The following AUTS2 variants were observed in gnomAD, a reference collection of about 807,000 sequenced individuals.
AUTS2 encodes the protein activator of transcription and developmental regulator AUTS2, also known as autism susceptibility gene 2 protein.
Under a neutral mutation model 112.4 loss-of-function variants are expected in AUTS2, and 17 were observed. The observed-to-expected ratio is 0.15, with a 90% confidence interval of 0.10 to 0.23. The LOEUF is 0.23. Ranked by LOEUF, AUTS2 falls within the 10% of genes least tolerant of loss-of-function variation. The pLI is 1.00. For synonymous variants in AUTS2, 751 were observed against 702.7 expected (o/e 1.07, Z -1.09); for missense variants, 1,510 against 1,701.6 (o/e 0.89, Z 1.98).
chr7:69,657,335 A>T (rs1342482172), intron 1 of AUTS2, among the ~76,000 whole-genome samples: 1 of 152,226 alleles, frequency 6.6e-6, no homozygotes, highest in African/African-American at 2.4e-5. Context: ...GACTCTGGCC[A>T]AGCTGATATT....
At chr7:70,700,085 G>A (rs1205537401) in intron 6 of AUTS2, among the ~76,000 whole-genome samples, 1 of 152,322 alleles carries the variant, frequency 6.6e-6, no homozygotes, top group South Asian at 2.1e-4. Flanking sequence ...GGCCGCCACT[G>A]CCCTGAAAGA....
chr7:70,262,416 C>T lies in AUTS2; in HGVS notation c.660+127845C>T, dbSNP rs544514419. Among the ~76,000 whole-genome samples the T allele has an allele frequency of 9.0e-4, 137 of 152,246 alleles. 1 individual carries two copies. The highest frequency in any genetic ancestry group is 3.2e-3 in the African/African-American group (133 of 41,560). The stretch of plus-strand genomic sequence containing the variant: ...TGTTAGAAAGGCTTGTCTCAAACTC[C>T]TGACGTCAAGTGATCCACCCCCCTC... On this transcript the variant is annotated intron_variant, in intron 4 of 18. Coordinates refer to ENST00000342771, the MANE Select transcript of AUTS2 (RefSeq NM_015570.4).
chr7:70,326,434 C>T (rs1425049207), intron 4 of AUTS2, among the ~76,000 whole-genome samples: 2 of 152,204 alleles, frequency 1.3e-5, no homozygotes, highest in Admixed American at 1.3e-4. Flanking sequence ...CATGAAAACT[C>T]CTAGGAATCT....
At chr7:69,808,299 C>T (rs1461801396) in intron 1 of AUTS2, among the ~76,000 whole-genome samples, 4 of 152,184 alleles carry the variant, frequency 2.6e-5, no homozygotes, top group African/African-American at 9.6e-5. Flanking sequence ...CCTGACTCCA[C>T]ACCTACTAAA....
intron 2 of AUTS2, among the ~76,000 whole-genome samples, chr7:70,086,049 C>T (rs767306893): frequency 6.6e-6 from 1 of 152,166 alleles, no homozygotes; most frequent in African/African-American, 2.4e-5. Context: ...ACCAATACCA[C>T]GTCTTGATTA....
At chr7:70,410,375 G>A (rs945476682) in intron 4 of AUTS2, among the ~76,000 whole-genome samples, 8 of 151,502 alleles carry the variant, frequency 5.3e-5, no homozygotes, top group African/African-American at 1.9e-4. Context: ...AGTACAAAAG[G>A]CTCTGTCTTA....
At chr7:69,771,932 G>T (rs911366464) in intron 1 of AUTS2, among the ~76,000 whole-genome samples, 1 of 151,900 alleles carries the variant, frequency 6.6e-6, no homozygotes, top group Non-Finnish European at 1.5e-5. Context: ...TTACAGGCAT[G>T]CACCACCACG....
chr7:70,144,601 C>A (rs946362903), intron 4 of AUTS2, among the ~76,000 whole-genome samples: 7 of 152,044 alleles, frequency 4.6e-5, no homozygotes, highest in Admixed American at 3.9e-4. Flanking sequence ...TTACAGTAGA[C>A]CTATTATTTT....
At chr7:69,669,431 G>A (rs1457397007) in intron 1 of AUTS2, among the ~76,000 whole-genome samples, 1 of 151,842 alleles carries the variant, frequency 6.6e-6, no homozygotes, top group Non-Finnish European at 1.5e-5. Flanking sequence ...TTGACATGAG[G>A]TTTCAGGATT....
chr7:70,772,437 C>G (rs971387393), intron 11 of AUTS2, among the ~76,000 whole-genome samples: 8 of 152,182 alleles, frequency 5.3e-5, no homozygotes, highest in African/African-American at 1.9e-4. Flanking sequence ...TTCTATTTTA[C>G]CTTCACACAA....
chr7:70,259,816 G>T (rs1787071224), intron 4 of AUTS2, among the ~76,000 whole-genome samples: 1 of 152,166 alleles, frequency 6.6e-6, no homozygotes, highest in Non-Finnish European at 1.5e-5. Context: ...TGACTCATTT[G>T]TATCTTGGCC....
intron 1 of AUTS2, among the ~76,000 whole-genome samples, chr7:69,792,521 G>A (rs1789660066): frequency 6.6e-6 from 1 of 152,164 alleles, no homozygotes. Context: ...TTACAGGTGT[G>A]AGCCACCATG....
At chr7:70,552,973 T>A (rs1219643925) in intron 5 of AUTS2, among the ~76,000 whole-genome samples, 1 of 152,168 alleles carries the variant, frequency 6.6e-6, no homozygotes, top group Non-Finnish European at 1.5e-5. Context: ...AAGAAATATG[T>A]CCAGCCAGAC....
At chr7:69,932,999 C>T (rs1260614933) in intron 2 of AUTS2, among the ~76,000 whole-genome samples, 4 of 152,174 alleles carry the variant, frequency 2.6e-5, no homozygotes, top group Non-Finnish European at 5.9e-5. Flanking sequence ...AAATTATTTA[C>T]ATTCAAGGAT....
At chr7:69,739,068 G>C (rs754715605) in intron 1 of AUTS2, among the ~76,000 whole-genome samples, 4 of 152,044 alleles carry the variant, frequency 2.6e-5, no homozygotes, top group African/African-American at 4.8e-5. Context: ...GGTTAGATGG[G>C]TGGAGGTTGT....
At chr7:70,498,493 A>G (rs1340693719) in intron 5 of AUTS2, among the ~76,000 whole-genome samples, 1 of 152,170 alleles carries the variant, frequency 6.6e-6, no homozygotes, top group Non-Finnish European at 1.5e-5. Context: ...CATTGAAAAC[A>G]TGTCAGGGCC....
chr7:70,237,276 T>A (rs912370055), intron 4 of AUTS2, among the ~76,000 whole-genome samples: 1 of 152,244 alleles, frequency 6.6e-6, no homozygotes, highest in Non-Finnish European at 1.5e-5. Flanking sequence ...TCCTAGTTAT[T>A]TGTTCATTGT....
intron 2 of AUTS2, among the ~76,000 whole-genome samples, chr7:70,051,385 G>T (rs549015842): frequency 6.6e-6 from 1 of 152,202 alleles, no homozygotes; most frequent in East Asian, 1.9e-4. Context: ...GCAAATAATG[G>T]TCAAAATAAA....
At chr7:70,112,300 T>C (rs889454022) in intron 2 of AUTS2, among the ~76,000 whole-genome samples, 7 of 152,014 alleles carry the variant, frequency 4.6e-5, no homozygotes, top group Admixed American at 1.3e-4. Flanking sequence ...AATACTGTTA[T>C]TACTTTTTAT....
Sources: allele counts gnomAD v4.1 joint callset (sites outside exome capture counted in the v4.1 genomes callset), GRCh38; gene constraint gnomAD v4.1.1; transcripts MANE v1.5; gene names NCBI Gene and HGNC (gene_info 2026-07-23, HGNC 2026-07-21).